Variants in SHPRH observed in about 807,000 individuals in gnomAD.
SHPRH encodes the protein SNF2 histone linker PHD RING helicase.
Under a neutral mutation model 202.5 loss-of-function variants are expected in SHPRH, and 106 were observed. That is an observed-to-expected ratio of 0.52 (90% confidence interval 0.45 to 0.62). The LOEUF (loss-of-function observed/expected upper bound fraction) is 0.62. SHPRH is among the 20% of genes least tolerant of loss of function. The pLI is 0.00. For missense variants in SHPRH, 1,710 were observed against 2,020.0 expected (o/e 0.85, Z 2.94); for synonymous variants, 729 against 686.0 (o/e 1.06, Z -0.98).
At chr6:145,859,581 A>C (rs1464367713), downstream of SHPRH, among the ~76,000 whole-genome samples, 1 of 152,084 alleles carries the variant, frequency 6.6e-6, no homozygotes, top group Non-Finnish European at 1.5e-5. Context: ...TTGTAATGCC[A>C]AAACAAAGAA....
At chr6:145,904,980 G>A (rs927660226) in intron 25 of SHPRH, 4 of 152,110 alleles carry the variant, frequency 2.6e-5, no homozygotes, top group Non-Finnish European at 4.4e-5. Flanking sequence ...GTCTAGGAAA[G>A]CTGCCATAAA....
chr6:145,947,296 T>G (rs1190606780), intron 6 of SHPRH, among the ~76,000 whole-genome samples, 197 bp downstream of exon 6: 1 of 152,014 alleles, frequency 6.6e-6, no homozygotes, highest in Non-Finnish European at 1.5e-5. Flanking sequence ...TGGCCAACAT[T>G]ACTTCAAAAA....
rs1446498331 is a variant in SHPRH, at chr6:145,940,654, A to G, written c.2569+69T>C. On this transcript the variant is annotated intron_variant, in intron 11 of 29. Coordinates refer to ENST00000275233, the MANE Select transcript of SHPRH (RefSeq NM_001042683.3). ...GGGACTGCAGCAAAGGTTAAGCATAACAATACTTTTCTCTCTAAAAAATGA... is the reference window on the plus strand; with the variant it reads ...GGGACTGCAGCAAAGGTTAAGCATAGCAATACTTTTCTCTCTAAAAAATGA... 2.0e-6 allele frequency: 3 copies of G among 1,483,564 alleles called. No individual in the cohort carries two copies. The African/African-American group carries it at 4.2e-5, about 21-fold the overall frequency. The allele number at this position is 1,483,564 out of a possible 1,614,324, so 91.9% of individuals were successfully genotyped here.
intron 25 of SHPRH, among the ~76,000 whole-genome samples, chr6:145,895,847 G>A (rs1442591102): frequency 1.3e-5 from 2 of 151,904 alleles, no homozygotes; most frequent in East Asian, 1.9e-4. Context: ...CTTTCCAAAG[G>A]TGGCTGTGAT....
intron 2 of SHPRH, among the ~76,000 whole-genome samples, chr6:145,864,748 G>C (rs1422394058): frequency 6.6e-6 from 1 of 151,430 alleles, no homozygotes; most frequent in Non-Finnish European, 1.5e-5. Flanking sequence ...AAGCCCAAAG[G>C]GATCAAAGTT....
chr6:145,880,014 C>T (rs947174383), downstream of SHPRH, among the ~76,000 whole-genome samples: 4 of 151,872 alleles, frequency 2.6e-5, no homozygotes, highest in Non-Finnish European at 4.4e-5. Context: ...CCTTCTCTAC[C>T]CAATGAGGGA....
chr6:145,886,885 G>T (rs559632493), intron 29 of SHPRH, 98 bp from the exon 30 acceptor site: 3 of 1,304,180 alleles, frequency 2.3e-6, no homozygotes, highest in South Asian at 3.6e-5. Flanking sequence ...TTTTTCTTAA[G>T]TTTTTGTAAT....
chr6:145,946,774 A>T (rs1423969933), intron 6 of SHPRH, among the ~76,000 whole-genome samples: 1 of 151,986 alleles, frequency 6.6e-6, no homozygotes, highest in Non-Finnish European at 1.5e-5. Context: ...CTCAAATCTG[A>T]AAGGCTAATT....
At chr6:145,909,342 C>G (rs1783272894) in intron 25 of SHPRH, 1 of 152,050 alleles carries the variant, frequency 6.6e-6, no homozygotes, top group Admixed American at 6.6e-5. Context: ...AGCACACTGC[C>G]TGTGTGCTAG....
Position 145,927,214 on chromosome 6 carries a change from C to T in SHPRH, c.3176G>A (p.Gly1059Glu). ...TTGAAGTGAATCAGTTTTGAGTTTT[C>T]CTTTGTGTTCCTCCGAGGAGCGCAA... ...EVLRSSEEHKGKLKTDSLQRL... is the reference protein window; with the variant it reads ...EVLRSSEEHKEKLKTDSLQRL... Residue 1059 changes from glycine to glutamate, a missense_variant, in exon 15 of 30, where the codon GGA (glycine) becomes GAA (glutamate). Physicochemically the swap from Gly to Glu is moderately conservative, Grantham distance 98 (BLOSUM62 -2). Around this residue, in one of 8 missense-constraint regions of SHPRH, gnomAD observed 288 missense variants for 317.8 expected, o/e 0.91. Transcript: ENST00000275233. 1 of 1,611,956 alleles carries T rather than the reference C, an allele frequency of 6.2e-7. No individual in the cohort carries two copies. Among genetic ancestry groups the T allele is most frequent in the Non-Finnish European group, 8.5e-7 (1 of 1,178,772 alleles).
chr6:145,867,569 C>G (rs1779831420), intron 2 of SHPRH, among the ~76,000 whole-genome samples: 1 of 124,346 alleles, frequency 8.0e-6, no homozygotes, highest in Non-Finnish European at 1.6e-5. Context: ...TGAACCTGGG[C>G]AACAGAGTCA....
chr6:145,878,595 G>A (rs1263792241), intron 2 of SHPRH, among the ~76,000 whole-genome samples: 6 of 152,124 alleles, frequency 3.9e-5, no homozygotes, highest in Non-Finnish European at 8.8e-5. Flanking sequence ...CCTTTGCCCA[G>A]TTTTAAATTG....
intron 14 of SHPRH, among the ~76,000 whole-genome samples, chr6:145,930,227 A>G (rs887734643): frequency 6.6e-6 from 1 of 152,276 alleles, no homozygotes; most frequent in African/African-American, 2.4e-5. Context: ...GGCTACTCAA[A>G]GAGGCTTAAT....
At chr6:145,881,649 G>GT (rs1317082743), downstream of SHPRH, 84 of 152,176 alleles carry the variant, frequency 5.5e-4, no homozygotes, top group African/African-American at 2.0e-3. Context: ...TTTTCCTTTC[G>GT]TAAGTCCACT....
chr6:145,908,992 T>A (rs1438008643), intron 25 of SHPRH: 1 of 152,148 alleles, frequency 6.6e-6, no homozygotes, highest in Non-Finnish European at 1.5e-5. Flanking sequence ...TCCAGCCCCA[T>A]TTACCCAATA....
In SHPRH at chr6:145,943,884, T is replaced by C. The variant is rs75294251; in HGVS notation, c.1579-82A>G. The C allele has an allele frequency of 4.8e-4, 607 of 1,267,180 alleles. 4 individuals are homozygous for C. In the African/African-American group the frequency reaches 8.2e-3, roughly 17 times the overall value. The allele number at this position is 1,267,180 out of a possible 1,614,324, so 78.5% of individuals were successfully genotyped here. A position where few individuals can be genotyped will look rare whatever the true frequency, so the allele number is the denominator to read the frequency against. Reference sequence around the variant, plus strand: ...CTCCTGACTTTATGTAAGTACTTCATATAATTATGTAGCAGCCAGTCTTTG... The same window carrying C: ...CTCCTGACTTTATGTAAGTACTTCACATAATTATGTAGCAGCCAGTCTTTG... On this transcript the variant is annotated intron_variant, in intron 8 of 29. Transcript: ENST00000275233.
chr6:145,871,822 T>C (rs114656865), intron 2 of SHPRH, among the ~76,000 whole-genome samples: 5,870 of 152,106 alleles, frequency 0.039, 374 homozygotes, highest in African/African-American at 0.13. Context: ...GTAACCAAAA[T>C]AGCACGGTAC....
chr6:145,861,905 C>T (rs533849349), downstream of SHPRH, among the ~76,000 whole-genome samples: 29 of 151,948 alleles, frequency 1.9e-4, no homozygotes, highest in Non-Finnish European at 2.6e-4. Flanking sequence ...ATAAGCCAGA[C>T]GCAGAAAGAC....
intron 14 of SHPRH, among the ~76,000 whole-genome samples, chr6:145,931,925 T>C (rs1785500181): frequency 6.6e-6 from 1 of 151,824 alleles, no homozygotes; most frequent in Non-Finnish European, 1.5e-5. Flanking sequence ...CTCCAATACA[T>C]TTATATTAGG....
Sources: allele counts gnomAD v4.1 joint callset (sites outside exome capture counted in the v4.1 genomes callset), GRCh38; gene constraint gnomAD v4.1.1; regional missense constraint gnomAD v4.1.1; transcripts MANE v1.5; gene names NCBI Gene and HGNC (gene_info 2026-07-23, HGNC 2026-07-21).